SLC71A1: variants seen among roughly 807,000 people sequenced by gnomAD.
The protein encoded by SLC71A1 is hippocampus abundant gene transcript 1.
chr1:100,041,369 A>C, the SLC71A1 span, among the ~76,000 whole-genome samples: 3 of 152,230 alleles, frequency 2.0e-5, no homozygotes, highest in African/African-American at 7.2e-5. Context: ...ATTTTATATT[A>C]GGTGTTTTTA....
chr1:100,058,759 A>C, the SLC71A1 span: 1 of 1,116,576 alleles, frequency 9.0e-7, no homozygotes, highest in Non-Finnish European at 1.4e-6. Flanking sequence ...ATATGTGTAT[A>C]TATACATACA....
chr1:100,068,447 A>G, the SLC71A1 span: 4 of 1,450,544 alleles, frequency 2.8e-6, no homozygotes, highest in Non-Finnish European at 3.9e-6. Context: ...AAAACCTTAT[A>G]TCAATCAGTC....
chr1:100,047,628 G>A, the SLC71A1 span, among the ~76,000 whole-genome samples: 1 of 152,138 alleles, frequency 6.6e-6, no homozygotes, highest in Non-Finnish European at 1.5e-5. Context: ...CTTCATGTTG[G>A]TCAGGCTGGT....
the SLC71A1 span, among the ~76,000 whole-genome samples, chr1:100,075,124 C>G: frequency 6.6e-6 from 1 of 152,160 alleles, no homozygotes. Flanking sequence ...TTAATGATCT[C>G]TGCTTGAGAA....
the SLC71A1 span, chr1:100,043,333 C>T: frequency 1.7e-5 from 5 of 297,708 alleles, no homozygotes; most frequent in Non-Finnish European, 2.5e-5. Context: ...TAACAGTTGA[C>T]AGTTTCAGCC....
chr1:100,066,236 T>C, the SLC71A1 span, among the ~76,000 whole-genome samples: 1 of 152,222 alleles, frequency 6.6e-6, no homozygotes, highest in African/African-American at 2.4e-5. Flanking sequence ...GCTTAACATA[T>C]TATTCATGAG....
At chr1:100,052,848 A>G in the SLC71A1 span, among the ~76,000 whole-genome samples, 6 of 150,532 alleles carry the variant, frequency 4.0e-5, no homozygotes, top group African/African-American at 1.5e-4. Context: ...CAGTGGTGCA[A>G]CCTTGGCTCA....
At chr1:100,062,032 C>G in the SLC71A1 span, 1 of 765,962 alleles carries the variant, frequency 1.3e-6, no homozygotes, top group Non-Finnish European at 2.1e-6. Context: ...GGAGTGCAAA[C>G]CTTTGCATTA....
chr1:100,049,226 A>G, the SLC71A1 span, among the ~76,000 whole-genome samples: 12 of 151,974 alleles, frequency 7.9e-5, no homozygotes, highest in Non-Finnish European at 1.6e-4. Context: ...ATGTATATCA[A>G]ATTCCAAATC....
the SLC71A1 span, among the ~76,000 whole-genome samples, chr1:100,076,368 T>C: frequency 1.8e-4 from 27 of 152,338 alleles, no homozygotes; most frequent in African/African-American, 6.5e-4. Flanking sequence ...AAAAAAAATT[T>C]TCTAATGTTC....
the SLC71A1 span, among the ~76,000 whole-genome samples, chr1:100,064,693 T>G: frequency 6.6e-6 from 1 of 152,112 alleles, no homozygotes; most frequent in Non-Finnish European, 1.5e-5. Context: ...ATGTTGATAC[T>G]ATAGATCAAT....
At chr1:100,067,828 A>T in the SLC71A1 span, 2 of 676,390 alleles carry the variant, frequency 3.0e-6, no homozygotes, top group African/African-American at 1.8e-5. Flanking sequence ...CGCCCCCACA[A>T]GAAAAAAAGA....
the SLC71A1 span, among the ~76,000 whole-genome samples, chr1:100,053,981 A>AGT: frequency 7.2e-5 from 11 of 151,854 alleles, no homozygotes; most frequent in South Asian, 1.9e-3. Flanking sequence ...TGAGAATAAC[A>AGT]GTAGGTATAA....
chr1:100,049,285 A>G, the SLC71A1 span, among the ~76,000 whole-genome samples: 3 of 143,246 alleles, frequency 2.1e-5, no homozygotes, highest in Non-Finnish European at 4.6e-5. Flanking sequence ...CCATGTTGAT[A>G]TCGTGTTTAT....
the SLC71A1 span, among the ~76,000 whole-genome samples, chr1:100,075,826 G>A: frequency 6.6e-5 from 10 of 152,078 alleles, no homozygotes; most frequent in Non-Finnish European, 1.5e-4. Flanking sequence ...CCACAGGTGT[G>A]TGCCACCAGC....
chr1:100,052,057 A>G, the SLC71A1 span, among the ~76,000 whole-genome samples: 1 of 152,126 alleles, frequency 6.6e-6, no homozygotes, highest in Non-Finnish European at 1.5e-5. Flanking sequence ...TCCAGTGCTC[A>G]GTCTTTTGGG....
At chr1:100,064,447 A>G in the SLC71A1 span, among the ~76,000 whole-genome samples, 1 of 152,254 alleles carries the variant, frequency 6.6e-6, no homozygotes, top group East Asian at 1.9e-4. Flanking sequence ...AATATATTAA[A>G]TACCATTTAA....
At chr1:100,077,114 A>G in the SLC71A1 span, 8 of 863,996 alleles carry the variant, frequency 9.3e-6, no homozygotes, top group Non-Finnish European at 1.5e-5. Context: ...AGATTGAAAG[A>G]AGTCACTTTT....
the SLC71A1 span, among the ~76,000 whole-genome samples, chr1:100,071,289 C>CAAAAAAAAAA: frequency 1.4e-3 from 74 of 53,380 alleles, 2 homozygotes; most frequent in South Asian, 5.5e-3. Context: ...CCATCTCTAC[C>CAAAAAAAAAA]AAAAAAAAAA....
Sources: gnomAD v4.1 joint callset for allele counts (sites outside exome capture counted in the v4.1 genomes callset) on GRCh38, gnomAD v4.1.1 for gene constraint, MANE v1.5 for transcripts, NCBI Gene and HGNC (gene_info 2026-07-23, HGNC 2026-07-21) for gene names.